Variants in C8orf34 observed in about 807,000 individuals in gnomAD.
C8orf34 encodes uncharacterized protein C8orf34.
C8orf34 carries 65 observed loss-of-function variants against 68.3 expected under a neutral mutation model. That is an observed-to-expected ratio of 0.95 (90% confidence interval 0.78 to 1.17). C8orf34 has a LOEUF of 1.17. Ranked by LOEUF, C8orf34 falls within the 50% of genes most tolerant of loss-of-function variation. The pLI, the probability that C8orf34 is intolerant of heterozygous loss-of-function variation, is 0.00. For synonymous variants in C8orf34, 244 were observed against 241.2 expected (o/e 1.01, Z -0.11); for missense variants, 664 against 655.4 (o/e 1.01, Z -0.14).
chr8:68,760,524 T>G (rs148287588), intron 10 of C8orf34, among the ~76,000 whole-genome samples: 1 of 152,196 alleles, frequency 6.6e-6, no homozygotes, highest in African/African-American at 2.4e-5. Flanking sequence ...GAGGAGACAC[T>G]GAATGATTCA....
chr8:68,353,407 T>C (rs935294798), intron 1 of C8orf34, among the ~76,000 whole-genome samples: 2 of 151,848 alleles, frequency 1.3e-5, no homozygotes, highest in Admixed American at 1.3e-4. Context: ...TTTCCAGTAG[T>C]TTTATGAGTG....
At chr8:68,479,555 G>A (rs1812770869) in intron 4 of C8orf34, among the ~76,000 whole-genome samples, 1 of 152,150 alleles carries the variant, frequency 6.6e-6, no homozygotes, top group Non-Finnish European at 1.5e-5. Context: ...AATAGTTGGA[G>A]TAAATACCAG....
At chr8:68,557,476 T>G (rs1816289644) in intron 7 of C8orf34, among the ~76,000 whole-genome samples, 1 of 152,218 alleles carries the variant, frequency 6.6e-6, no homozygotes, top group African/African-American at 2.4e-5. Context: ...ATGAGGCTAC[T>G]TATCCCAGGA....
intron 1 of C8orf34, among the ~76,000 whole-genome samples, chr8:68,399,746 A>C (rs1808867217): frequency 3.9e-5 from 6 of 152,130 alleles, no homozygotes; most frequent in Admixed American, 3.9e-4. Context: ...ACTCTTTTCC[A>C]TAGAAGTTGT....
chr8:68,712,416 C>G (rs1387667654), intron 9 of C8orf34, among the ~76,000 whole-genome samples: 1 of 152,086 alleles, frequency 6.6e-6, no homozygotes, highest in Non-Finnish European at 1.5e-5. Context: ...TAAGAATTCA[C>G]CAACCAAGTT....
At chr8:68,481,481 C>T (rs1286358458) in intron 4 of C8orf34, among the ~76,000 whole-genome samples, 1 of 152,196 alleles carries the variant, frequency 6.6e-6, no homozygotes, top group African/African-American at 2.4e-5. Flanking sequence ...GGTAGATCCA[C>T]CAACAGCTTG....
intron 1 of C8orf34, among the ~76,000 whole-genome samples, chr8:68,371,789 G>A (rs548991467): frequency 6.6e-6 from 1 of 151,978 alleles, no homozygotes; most frequent in East Asian, 1.9e-4. Flanking sequence ...TAGTAGAGAG[G>A]TGATTTCACC....
chr8:68,678,144 TGAA>T (rs1371979373), intron 8 of C8orf34, among the ~76,000 whole-genome samples: 2 of 152,160 alleles, frequency 1.3e-5, no homozygotes, highest in East Asian at 3.9e-4. Flanking sequence ...ACCAAACATT[TGAA>T]GAAGAACTAA....
intron 8 of C8orf34, among the ~76,000 whole-genome samples, chr8:68,677,111 A>C (rs1820215276): frequency 6.6e-6 from 1 of 151,950 alleles, no homozygotes; most frequent in South Asian, 2.1e-4. Flanking sequence ...ACGGGAAATC[A>C]ATAACAAGAC....
At chr8:68,440,463 T>A (rs1277023572) in intron 2 of C8orf34, among the ~76,000 whole-genome samples, 1 of 152,202 alleles carries the variant, frequency 6.6e-6, no homozygotes, top group African/African-American at 2.4e-5. Context: ...GTCCCAAAGC[T>A]ACACTAAAGT....
chr8:68,615,714 G>A (rs1231165760), intron 7 of C8orf34, among the ~76,000 whole-genome samples: 2 of 152,108 alleles, frequency 1.3e-5, no homozygotes, highest in African/African-American at 2.4e-5. Flanking sequence ...GAGGATTTTT[G>A]CATCAATATT....
At chr8:68,815,131 G>T (rs1331883624) in intron 12 of C8orf34, among the ~76,000 whole-genome samples, 2 of 152,090 alleles carry the variant, frequency 1.3e-5, no homozygotes, top group East Asian at 1.9e-4. Flanking sequence ...ATGTGGAAAT[G>T]CTTATCTTTC....
At chr8:68,581,593 G>A (rs954590815) in intron 7 of C8orf34, among the ~76,000 whole-genome samples, 1 of 152,084 alleles carries the variant, frequency 6.6e-6, no homozygotes, top group African/African-American at 2.4e-5. Context: ...GGGTGTCAAG[G>A]TCTATTTGTA....
At chr8:68,541,306 T>A (rs1299218738) in intron 7 of C8orf34, among the ~76,000 whole-genome samples, 3 of 151,670 alleles carry the variant, frequency 2.0e-5, no homozygotes, top group Non-Finnish European at 4.4e-5. Flanking sequence ...TTATTAAAAA[T>A]TTAAAAAAAA....
chr8:68,657,661 T>A (rs1169618294), intron 8 of C8orf34, among the ~76,000 whole-genome samples: 1 of 152,212 alleles, frequency 6.6e-6, no homozygotes, highest in Non-Finnish European at 1.5e-5. Context: ...TTTTTCTGCT[T>A]TCTACCCTTG....
At chr8:68,336,779 G>A (rs982120537) in intron 1 of C8orf34, among the ~76,000 whole-genome samples, 1 of 152,068 alleles carries the variant, frequency 6.6e-6, no homozygotes, top group Non-Finnish European at 1.5e-5. Flanking sequence ...TTCCAGGTTT[G>A]GGGCTAAGCA....
intron 8 of C8orf34, among the ~76,000 whole-genome samples, chr8:68,677,022 A>C (rs1585714168): frequency 6.6e-6 from 1 of 152,120 alleles, no homozygotes; most frequent in Non-Finnish European, 1.5e-5. Flanking sequence ...CTCCCACAAC[A>C]CCTGAGAATC....
chr8:68,382,012 A>G (rs536160680), intron 1 of C8orf34, among the ~76,000 whole-genome samples: 81 of 152,334 alleles, frequency 5.3e-4, no homozygotes, highest in Non-Finnish European at 9.7e-4. Context: ...ATAGTATTGC[A>G]ACCTGAAATT....
chr8:68,356,090 T>A (rs1439017361), intron 1 of C8orf34, among the ~76,000 whole-genome samples: 1 of 152,188 alleles, frequency 6.6e-6, no homozygotes, highest in Admixed American at 6.6e-5. Context: ...CCAGAAAATG[T>A]CTGCTACACA....
Sources: allele counts gnomAD v4.1 joint callset (sites outside exome capture counted in the v4.1 genomes callset), GRCh38; gene constraint gnomAD v4.1.1; transcripts MANE v1.5; gene names NCBI Gene and HGNC (gene_info 2026-07-23, HGNC 2026-07-21).